The following NDFIP2 variants were observed in gnomAD, a reference collection of about 807,000 sequenced individuals.
NDFIP2 encodes the protein NEDD4 family-interacting protein 2.
In NDFIP2, 19 loss-of-function variants were observed where a neutral mutation model predicts 36.0. That is an observed-to-expected ratio of 0.53 (90% CI 0.37 to 0.77). The LOEUF (loss-of-function observed/expected upper bound fraction) is 0.77, where lower values mean the gene tolerates loss of function less well. NDFIP2 is among the 30% of genes least tolerant of loss of function. The pLI is 0.00. For missense variants in NDFIP2, 446 were observed against 435.8 expected (o/e 1.02, Z -0.21); for synonymous variants, 181 against 167.7 (o/e 1.08, Z -0.61).
chr13:79,502,671 G>A (rs1200392452), intron 1 of NDFIP2, among the ~76,000 whole-genome samples: 1 of 152,052 alleles, frequency 6.6e-6, no homozygotes, highest in Non-Finnish European at 1.5e-5. Context: ...CTGAAAATAG[G>A]CTTTTGGATT....
chr13:79,554,813 G>A lies in NDFIP2; in HGVS notation c.*2300G>A, dbSNP rs948243439. 8 of 151,906 alleles carry A rather than the reference G, an allele frequency of 5.3e-5. No homozygotes were observed. Among genetic ancestry groups the A allele is most frequent in the African/African-American group, 1.9e-4 (8 of 41,416 alleles). The allele number at this position is 151,906 out of a possible 1,614,324, so 9.4% of individuals were successfully genotyped here. ...TGTTAGGGTATCTAAACATTTTTGA[G>A]TGTGAACTGGGGATTGGAAGTTAAT... On this transcript the variant is annotated 3_prime_UTR_variant, in exon 8 of 8. Coordinates refer to ENST00000218652, the MANE Select transcript of NDFIP2 (RefSeq NM_019080.3).
At chr13:79,516,752 T>C (rs1874358452) in intron 1 of NDFIP2, among the ~76,000 whole-genome samples, 1 of 152,186 alleles carries the variant, frequency 6.6e-6, no homozygotes, top group African/African-American at 2.4e-5. Context: ...CATTGCTGGC[T>C]GACCCACCAG....
intron 2 of NDFIP2, among the ~76,000 whole-genome samples, chr13:79,531,677 C>G (rs1227919970): frequency 1.3e-5 from 2 of 152,188 alleles, no homozygotes; most frequent in African/African-American, 4.8e-5. Flanking sequence ...AACTTTTCTT[C>G]TTTACCTTCC....
In NDFIP2 at chr13:79,533,822, A is replaced by G. The variant is rs140172004; in HGVS notation, c.621+366A>G. ...GTTAACAATAGGCTGTGAGTCGTTA[A>G]GTTTTGGGGAAGTCAGAGTTATACT... On this transcript the variant is annotated intron_variant, in intron 3 of 7. Coordinates refer to ENST00000218652, the MANE Select transcript of NDFIP2 (RefSeq NM_019080.3). Among the ~76,000 whole-genome samples the G allele has an allele frequency of 6.6e-5, 10 of 152,226 alleles. No homozygotes were observed. The East Asian group carries it at 1.5e-3, about 24-fold the overall frequency.
At chr13:79,496,633 C>T (rs1044430699) in intron 1 of NDFIP2, among the ~76,000 whole-genome samples, 3 of 151,182 alleles carry the variant, frequency 2.0e-5, no homozygotes, top group Non-Finnish European at 4.4e-5. Flanking sequence ...TTTTTCCTGC[C>T]CTAATCTCTC....
intron 3 of NDFIP2, among the ~76,000 whole-genome samples, chr13:79,538,256 G>A (rs1477706754): frequency 6.6e-6 from 1 of 151,988 alleles, no homozygotes; most frequent in African/African-American, 2.4e-5. Context: ...GACACAGATC[G>A]AACCATATAA....
At chr13:79,494,292 G>A (rs1435145908) in intron 1 of NDFIP2, among the ~76,000 whole-genome samples, 1 of 152,000 alleles carries the variant, frequency 6.6e-6, no homozygotes, top group African/African-American at 2.4e-5. Context: ...ATTACTGTGA[G>A]CATTAAATGT....
intron 2 of NDFIP2, among the ~76,000 whole-genome samples, chr13:79,531,382 C>G (rs1020482130): frequency 1.3e-5 from 2 of 152,190 alleles, no homozygotes; most frequent in Non-Finnish European, 2.9e-5. Flanking sequence ...AAGTTCCCAG[C>G]TGAATTAAAT....
rs1335009080 is a variant in NDFIP2 at position 79,554,758 on chromosome 13, C to CT, written c.*2246dup. 1 of 151,904 alleles carries CT rather than the reference C, an allele frequency of 6.6e-6. No individual in the cohort carries two copies. The highest frequency in any genetic ancestry group is 6.6e-5 in the Admixed American group (1 of 15,240). 9.4% of individuals were successfully genotyped at this position (151,904 alleles called of 1,614,324 possible). On this transcript the variant is annotated 3_prime_UTR_variant, in exon 8 of 8. Transcript: ENST00000218652. ...GGGGATGCTTGATCATCTTTGCACT[C>CT]TGCCTTAAAGATTGAAAAATCAAAA...
chr13:79,513,646 G>C (rs1417262014), intron 1 of NDFIP2, among the ~76,000 whole-genome samples: 1 of 152,062 alleles, frequency 6.6e-6, no homozygotes, highest in Non-Finnish European at 1.5e-5. Context: ...TTAGAGGAAA[G>C]AAAGTGTGAG....
At chr13:79,521,116 CATATAA>C (rs1874564109) in intron 2 of NDFIP2, 141 bp downstream of exon 2, 1 of 675,650 alleles carries the variant, frequency 1.5e-6, no homozygotes, top group Non-Finnish European at 2.4e-6. Flanking sequence ...ACTGTGTGCA[CATATAA>C]ATATACAGAT....
chr13:79,503,057 A>G (rs548868104), intron 1 of NDFIP2, among the ~76,000 whole-genome samples: 1 of 152,148 alleles, frequency 6.6e-6, no homozygotes, highest in African/African-American at 2.4e-5. Flanking sequence ...TGAAGAACAT[A>G]AGTTAGGATG....
At position 79,533,327 on chromosome 13, in the gene NDFIP2, A is replaced by G; in HGVS notation, c.492A>G (p.Thr164=). The G allele has an allele frequency of 6.3e-7, 1 of 1,597,156 alleles. No homozygotes were observed. Among genetic ancestry groups the G allele is most frequent in the Non-Finnish European group, 8.5e-7 (1 of 1,174,528 alleles). Residue 164 remains threonine, a synonymous_variant, in exon 3 of 8, where the codon ACA becomes ACG. Coordinates refer to ENST00000218652, the MANE Select transcript of NDFIP2 (RefSeq NM_019080.3). The stretch of plus-strand genomic sequence containing the variant: ...CTTTTTGAATTCTTTCTTCAGATAC[A>G]GAAGTTTACGGTGAGTTTTATCCCG... ...ITVEVPTTSD[T]EVYGEFYPVP...
At chr13:79,539,600 T>C in intron 3 of NDFIP2, 82 bp from the exon 4 acceptor site, 1 of 1,063,864 alleles carries the variant, frequency 9.4e-7, no homozygotes, top group Non-Finnish European at 1.4e-6. Context: ...GAACATTAGA[T>C]GTTGCTGAAG....
intron 1 of NDFIP2, among the ~76,000 whole-genome samples, chr13:79,493,308 G>A (rs1412527031): frequency 1.3e-5 from 2 of 152,168 alleles, no homozygotes; most frequent in Non-Finnish European, 2.9e-5. Context: ...TGCTATAAAA[G>A]TAATAATGTT....
intron 5 of NDFIP2, 64 bp downstream of exon 5, chr13:79,543,746 T>C: frequency 6.3e-7 from 1 of 1,581,462 alleles, no homozygotes; most frequent in Non-Finnish European, 8.6e-7. Flanking sequence ...ATTTTCTGTG[T>C]GGTTCATAAA....
rs145005457 is a variant in NDFIP2 at position 79,498,029 on chromosome 13, G to T, written c.321+16505G>T. Among the ~76,000 whole-genome samples, 3 of 151,932 alleles carry T rather than the reference G, an allele frequency of 2.0e-5. No homozygotes were observed. In the East Asian group the frequency reaches 5.8e-4, roughly 29 times the overall value. On this transcript the variant is annotated intron_variant, in intron 1 of 7. Coordinates refer to ENST00000218652, the MANE Select transcript of NDFIP2 (RefSeq NM_019080.3). ...GGTGGATGGATTCAAAGATGTGTGT[G>T]TATGCGTGTGTTTGAGTGTGTGCAT...
rs1875543647 is a variant in NDFIP2 at position 79,543,600 on chromosome 13, G to T, written c.758G>T (p.Cys253Phe). 2 of 1,613,856 alleles carry T rather than the reference G, an allele frequency of 1.2e-6. No homozygotes were observed. Among genetic ancestry groups the T allele is most frequent in the Non-Finnish European group, 8.5e-7 (1 of 1,179,858 alleles). Residue 253 changes from cysteine (C) to phenylalanine (F), a missense_variant, in exon 5 of 8, where the codon TGT (cysteine) becomes TTT (phenylalanine). Physicochemically the swap from Cys to Phe is radical, Grantham distance 205. Transcript: ENST00000218652. ...TGGCTTGGATTTTGTTTATCCTTCT[G>T]TATCACCAATACCATAGCTGGAAGG... ...FNWLGFCLSFCITNTIAGRYG... is the reference protein window; with the variant it reads ...FNWLGFCLSFFITNTIAGRYG...
chr13:79,542,469 C>T lies in NDFIP2; in HGVS notation c.716-1089C>T, dbSNP rs1329217464. ...AGTTCCTGTTGCTCTGTGTCCTTGCCCGTATTTGGTGTTGATGGTTTTTTT... is the reference window on the plus strand; with the variant it reads ...AGTTCCTGTTGCTCTGTGTCCTTGCTCGTATTTGGTGTTGATGGTTTTTTT... On this transcript the variant is annotated intron_variant, in intron 4 of 7. Transcript: ENST00000218652. 2.6e-5 allele frequency among the ~76,000 whole-genome samples: 4 copies of T among 151,384 alleles called. No homozygotes were observed. In the South Asian group the frequency reaches 6.2e-4, roughly 24 times the overall value.
Sources: gnomAD v4.1 joint callset for allele counts (sites outside exome capture counted in the v4.1 genomes callset) on GRCh38, gnomAD v4.1.1 for gene constraint, MANE v1.5 for transcripts, NCBI Gene and HGNC (gene_info 2026-07-23, HGNC 2026-07-21) for gene names.